The following PDE3A variants were observed in gnomAD, a reference collection of about 807,000 sequenced individuals.
The protein encoded by PDE3A is cGMP-inhibited 3',5'-cyclic phosphodiesterase 3A.
PDE3A carries 43 observed loss-of-function variants against 98.3 expected under a neutral mutation model. That is an observed-to-expected ratio of 0.44 (90% confidence interval 0.34 to 0.56). The LOEUF (loss-of-function observed/expected upper bound fraction) is 0.56, where lower values mean the gene tolerates loss of function less well. Ranked by LOEUF, PDE3A falls within the 20% of genes least tolerant of loss-of-function variation. PDE3A has a pLI of 0.01. For synonymous variants in PDE3A, 663 were observed against 567.9 expected (o/e 1.17, Z -2.38); for missense variants, 1,427 against 1,440.7 (o/e 0.99, Z 0.15).
chr12:20,558,919 C>T (rs1295019954), intron 2 of PDE3A, among the ~76,000 whole-genome samples: 1 of 152,064 alleles, frequency 6.6e-6, no homozygotes, highest in East Asian at 1.9e-4. Context: ...CTAAGCACTT[C>T]CTATGTTTAC....
intron 1 of PDE3A, among the ~76,000 whole-genome samples, chr12:20,524,302 C>T (rs77972238): frequency 2.6e-4 from 40 of 152,280 alleles, no homozygotes; most frequent in African/African-American, 9.6e-4. Context: ...GGTATTGTAA[C>T]GATAATCTGT....
intron 1 of PDE3A, among the ~76,000 whole-genome samples, chr12:20,454,522 G>A (rs1382219599): frequency 6.6e-6 from 1 of 152,108 alleles, no homozygotes; most frequent in Non-Finnish European, 1.5e-5. Flanking sequence ...GGTTTGTTAT[G>A]TAAGTAAACT....
At chr12:20,503,091 C>T (rs903058524) in intron 1 of PDE3A, among the ~76,000 whole-genome samples, 52 of 151,990 alleles carry the variant, frequency 3.4e-4, no homozygotes, top group Non-Finnish European at 4.9e-4. Flanking sequence ...TCATCATGAC[C>T]GTTTAGTCCT....
At chr12:20,386,102 T>TATATATAAATATATATAAA (rs1565532520) in intron 1 of PDE3A, among the ~76,000 whole-genome samples, 2 of 14,624 alleles carry the variant, frequency 1.4e-4, no homozygotes, top group African/African-American at 1.8e-4. Context: ...TATATATAAA[T>TATATATAAATATATATAAA]ATATATATAA....
intron 2 of PDE3A, among the ~76,000 whole-genome samples, chr12:20,611,777 A>G (rs1213957105): frequency 6.6e-6 from 1 of 151,800 alleles, no homozygotes; most frequent in Non-Finnish European, 1.5e-5. Flanking sequence ...ATATATATTC[A>G]CTTTTTCTAT....
intron 1 of PDE3A, among the ~76,000 whole-genome samples, chr12:20,534,335 A>G (rs1181599687): frequency 6.6e-6 from 1 of 152,182 alleles, no homozygotes; most frequent in Non-Finnish European, 1.5e-5. Flanking sequence ...TTGTCAGAGC[A>G]TGAGTATCCA....
At chr12:20,614,306 A>G (rs1435256263) in intron 3 of PDE3A, among the ~76,000 whole-genome samples, 2 of 152,196 alleles carry the variant, frequency 1.3e-5, no homozygotes, top group African/African-American at 4.8e-5. Context: ...GAGTTTTATG[A>G]AAGTAAATTG....
At position 20,503,402 on chromosome 12, in the gene PDE3A, G is replaced by T. The variant is rs541362497; in HGVS notation, c.961-53258G>T. ...AATAGATTTTTGATATAAGAAGGAT[G>T]CAAATTCAGCTACAGAGGTTGAAAC... is the stretch of plus-strand genomic sequence containing the variant. On this transcript the variant is annotated intron_variant, in intron 1 of 15. Coordinates refer to ENST00000359062, the MANE Select transcript of PDE3A (RefSeq NM_000921.5). Among the ~76,000 whole-genome samples the T allele has an allele frequency of 2.0e-5, 3 of 152,118 alleles. No individual in the cohort carries two copies. In the South Asian group the frequency reaches 6.2e-4, roughly 32 times the overall value.
chr12:20,542,361 A>G (rs191637820), intron 1 of PDE3A, among the ~76,000 whole-genome samples: 1 of 152,120 alleles, frequency 6.6e-6, no homozygotes, highest in Non-Finnish European at 1.5e-5. Context: ...TCAATTTTAA[A>G]GACCATTTCT....
At chr12:20,598,676 G>C (rs1413704750) in intron 2 of PDE3A, among the ~76,000 whole-genome samples, 3 of 152,160 alleles carry the variant, frequency 2.0e-5, no homozygotes, top group Admixed American at 2.0e-4. Context: ...ATTATTTTGT[G>C]AAGCCTGGGG....
At chr12:20,468,941 G>C (rs75522697) in intron 1 of PDE3A, among the ~76,000 whole-genome samples, 2,724 of 152,254 alleles carry the variant, frequency 0.018, 47 homozygotes, top group Middle Eastern at 0.088. Context: ...CTGCCACTCA[G>C]TCACTAAGTG....
At chr12:20,386,164 AAT>A (rs1419683356) in intron 1 of PDE3A, among the ~76,000 whole-genome samples, 1,918 of 95,756 alleles carry the variant, frequency 0.02, 38 homozygotes, top group Middle Eastern at 0.052. Flanking sequence ...AATATATATA[AAT>A]ATATAAAAAT....
At position 20,662,191 on chromosome 12, in the gene PDE3A, G is replaced by A. The variant is rs144784675; in HGVS notation, c.3184+7986G>A. Among the ~76,000 whole-genome samples, 881 of 152,264 alleles carry A rather than the reference G, an allele frequency of 5.8e-3. 3 individuals carry two copies. The highest frequency in any genetic ancestry group is 9.6e-3 in the Non-Finnish European group (655 of 68,022). ...ATGTCTTTATCAGTAGCATGAAAAC[G>A]GACTAATATGGAGGACTCAGAAGAC... On this transcript the variant is annotated intron_variant, in intron 15 of 15. Transcript: ENST00000359062.
chr12:20,487,682 T>G (rs557810564), intron 1 of PDE3A, among the ~76,000 whole-genome samples: 3 of 150,666 alleles, frequency 2.0e-5, no homozygotes, highest in Admixed American at 6.6e-5. Context: ...ATAAAAAAAG[T>G]GGTCAGTTTC....
intron 1 of PDE3A, among the ~76,000 whole-genome samples, chr12:20,488,386 T>A (rs3925062): frequency 0.29 from 44,396 of 152,184 alleles, 8,204 homozygotes; most frequent in East Asian, 0.68. Context: ...AAGGATTCCA[T>A]TTAATTGCTA....
At chr12:20,422,269 G>A (rs1291355478) in intron 1 of PDE3A, among the ~76,000 whole-genome samples, 3 of 152,120 alleles carry the variant, frequency 2.0e-5, no homozygotes, top group East Asian at 1.9e-4. Flanking sequence ...GCGTGAACCC[G>A]GGAAGTGGAG....
At chr12:20,435,165 CT>C (rs1281178017) in intron 1 of PDE3A, among the ~76,000 whole-genome samples, 1 of 152,150 alleles carries the variant, frequency 6.6e-6, no homozygotes, top group Non-Finnish European at 1.5e-5. Context: ...CCATTTCTCA[CT>C]CTGTCATAGG....
chr12:20,445,799 T>C (rs928816138), intron 1 of PDE3A, among the ~76,000 whole-genome samples: 1 of 152,214 alleles, frequency 6.6e-6, no homozygotes, highest in Non-Finnish European at 1.5e-5. Flanking sequence ...TTTTCCTTCC[T>C]GGAGGTATAA....
intron 5 of PDE3A, among the ~76,000 whole-genome samples, chr12:20,622,909 A>C (rs1944171604): frequency 6.6e-6 from 1 of 152,162 alleles, no homozygotes; most frequent in African/African-American, 2.4e-5. Flanking sequence ...AGGATCACTA[A>C]TTGCACAAAG....
Sources: allele counts gnomAD v4.1 joint callset (sites outside exome capture counted in the v4.1 genomes callset), GRCh38; gene constraint gnomAD v4.1.1; transcripts MANE v1.5; gene names NCBI Gene and HGNC (gene_info 2026-07-23, HGNC 2026-07-21).